PRKCB: variants seen among roughly 807,000 people sequenced by gnomAD.
PRKCB encodes the protein protein kinase C beta type.
PRKCB carries 13 observed loss-of-function variants against 81.5 expected under a neutral mutation model. The ratio of observed to expected loss-of-function variants is 0.16; its 90% CI spans 0.10 to 0.25. The LOEUF (loss-of-function observed/expected upper bound fraction) is 0.25. Among genes scored for constraint, PRKCB ranks in the 10% least tolerant of loss-of-function variants. The pLI, the probability that PRKCB is intolerant of heterozygous loss-of-function variation, is 1.00. For missense variants in PRKCB, 509 were observed against 875.7 expected, an observed-to-expected ratio of 0.58 and a Z score of 5.29; for synonymous variants, 335 against 321.4, an observed-to-expected ratio of 1.04 and a Z score of -0.45.
rs1968258858 is a variant in PRKCB, at chr16:24,218,046, A to G, written c.*3230A>G. 1.0e-6 allele frequency: 1 copy of G among 985,224 alleles called. No individual in the cohort carries two copies. The highest frequency in any genetic ancestry group is 1.7e-5 in the African/African-American group (1 of 57,220). 61.0% of individuals were successfully genotyped at this position (985,224 alleles called of 1,614,324 possible). On this transcript the variant is annotated 3_prime_UTR_variant, in exon 17 of 17. Transcript: ENST00000643927. ...TCCTTCATTCCACAAATAATTACAA[A>G]CAACCTACTGTGTGCCAGGCACTAT...
At chr16:24,108,938 G>A (rs1966620959) in intron 7 of PRKCB, among the ~76,000 whole-genome samples, 1 of 147,630 alleles carries the variant, frequency 6.8e-6, no homozygotes. Flanking sequence ...GCCGGGCAGA[G>A]GCGCCCCTCA....
rs988964759 is a variant in PRKCB at position 23,965,593 on chromosome 16, C to G, written c.206-22915C>G. Among the ~76,000 whole-genome samples, 4 of 152,170 alleles carry G rather than the reference C, an allele frequency of 2.6e-5. No individual in the cohort carries two copies. The South Asian group carries it at 8.3e-4, about 32-fold the overall frequency. ...CTATGAACAAATATGAAAATTAGAT[C>G]GGCCGCATTGTAGAGATGAGGAGAC... On this transcript the variant is annotated intron_variant, in intron 2 of 16. Transcript: ENST00000643927.
chr16:24,098,150 A>T (rs1376217979), intron 7 of PRKCB: 1 of 152,164 alleles, frequency 6.6e-6, no homozygotes, highest in South Asian at 2.1e-4. Flanking sequence ...TTAGAATTTT[A>T]TTTTGGTTTA....
chr16:24,186,070 G>T (rs1222711509), intron 15 of PRKCB, among the ~76,000 whole-genome samples: 2 of 152,204 alleles, frequency 1.3e-5, no homozygotes, highest in African/African-American at 4.8e-5. Flanking sequence ...AAATCCCACT[G>T]TCTCCTCTCC....
At chr16:23,988,663 T>G in intron 3 of PRKCB, 73 bp downstream of exon 3, 1 of 1,328,998 alleles carries the variant, frequency 7.5e-7, no homozygotes, top group Admixed American at 1.7e-5. Flanking sequence ...TGAGTGAGCA[T>G]TCTTAGACGA....
chr16:23,882,286 G>A (rs1390168466), intron 2 of PRKCB, among the ~76,000 whole-genome samples: 3 of 151,314 alleles, frequency 2.0e-5, no homozygotes, highest in African/African-American at 7.3e-5. Flanking sequence ...GTCTTGCTAT[G>A]TTGCCCAGGG....
chr16:24,110,509 C>CTTTTT (rs777132623), intron 7 of PRKCB, among the ~76,000 whole-genome samples: 6,315 of 124,410 alleles, frequency 0.051, 191 homozygotes, highest in Middle Eastern at 0.071. Context: ...CCATGCCCAA[C>CTTTTT]CTTTTTTTTT....
chr16:24,069,113 T>G, intron 5 of PRKCB, among the ~76,000 whole-genome samples: 1 of 152,182 alleles, frequency 6.6e-6, no homozygotes, highest in East Asian at 1.9e-4. Flanking sequence ...AACTTTCAGG[T>G]CACAAAGCTG....
intron 5 of PRKCB, among the ~76,000 whole-genome samples, chr16:24,039,098 G>A (rs893498161): frequency 2.0e-4 from 30 of 152,326 alleles, no homozygotes; most frequent in Middle Eastern, 3.4e-3. Context: ...ACCAAAGGAA[G>A]GATACAGCAA....
chr16:24,046,858 C>A (rs1000688205), intron 5 of PRKCB, among the ~76,000 whole-genome samples: 6 of 152,106 alleles, frequency 3.9e-5, no homozygotes, highest in Non-Finnish European at 7.3e-5. Context: ...CAAAACCACC[C>A]AGTGGGGGCA....
At chr16:23,899,733 G>A (rs529838496) in intron 2 of PRKCB, among the ~76,000 whole-genome samples, 1 of 78,460 alleles carries the variant, frequency 1.3e-5, no homozygotes, top group African/African-American at 3.7e-5. Context: ...AAAATCCTGG[G>A]CTCATGCGAT....
chr16:24,209,442 G>A (rs886884747), intron 16 of PRKCB, among the ~76,000 whole-genome samples: 22 of 152,028 alleles, frequency 1.4e-4, no homozygotes, highest in Admixed American at 3.9e-4. Context: ...ACTCCTTGAC[G>A]TGTCCTCTGG....
chr16:24,126,930 C>G (rs1966845352), intron 9 of PRKCB, among the ~76,000 whole-genome samples: 2 of 151,852 alleles, frequency 1.3e-5, no homozygotes, highest in Admixed American at 1.3e-4. Context: ...GCCGTGGCCT[C>G]AGAAAGTGCT....
intron 2 of PRKCB, among the ~76,000 whole-genome samples, chr16:23,902,083 A>G (rs1963483500): frequency 6.6e-6 from 1 of 152,086 alleles, no homozygotes; most frequent in African/African-American, 2.4e-5. Context: ...TTTTAACTCA[A>G]AGCCAGTTGA....
At position 24,031,706 on chromosome 16, in the gene PRKCB, C is replaced by T. The variant is rs1965553044; in HGVS notation, c.289-430C>T. 2.0e-5 allele frequency among the ~76,000 whole-genome samples: 3 copies of T among 152,238 alleles called. No homozygotes were observed. The South Asian group carries it at 6.2e-4, about 32-fold the overall frequency. On this transcript the variant is annotated intron_variant, in intron 3 of 16. Coordinates refer to ENST00000643927, the MANE Select transcript of PRKCB (RefSeq NM_002738.7). The stretch of plus-strand genomic sequence containing the variant: ...ATGGTTTCTAAGCAGGGAGATTTCA[C>T]ATCCAGACTTGGGTTTTTGATCACT...
chr16:23,881,867 T>C (rs1160379559), intron 2 of PRKCB, among the ~76,000 whole-genome samples: 1 of 152,124 alleles, frequency 6.6e-6, no homozygotes, highest in Non-Finnish European at 1.5e-5. Flanking sequence ...ACCATTCTGC[T>C]TCCTGTTTCT....
intron 13 of PRKCB, among the ~76,000 whole-genome samples, chr16:24,182,927 A>G (rs141676232): frequency 2.5e-5 from 2 of 79,484 alleles, no homozygotes; most frequent in African/African-American, 7.6e-5. Context: ...CACTCTGTCT[A>G]CTCACTGCAA....
At chr16:24,054,523 T>A (rs1370250283) in intron 5 of PRKCB, among the ~76,000 whole-genome samples, 1 of 152,214 alleles carries the variant, frequency 6.6e-6, no homozygotes, top group African/African-American at 2.4e-5. Flanking sequence ...AATATGGAGA[T>A]CTTAGCACCT....
chr16:24,068,280 T>C (rs1966062993), intron 5 of PRKCB, among the ~76,000 whole-genome samples: 1 of 152,144 alleles, frequency 6.6e-6, no homozygotes, highest in Non-Finnish European at 1.5e-5. Flanking sequence ...AATCAATGCC[T>C]AGCGTTGAGT....
Sources: allele counts gnomAD v4.1 joint callset (sites outside exome capture counted in the v4.1 genomes callset), GRCh38; gene constraint gnomAD v4.1.1; transcripts MANE v1.5; gene names NCBI Gene and HGNC (gene_info 2026-07-23, HGNC 2026-07-21).